Variants in LINGO2 observed in about 807,000 individuals in gnomAD.
LINGO2 encodes leucine rich repeat and Ig domain containing 2, also known as leucine-rich repeat and immunoglobulin-like domain-containing nogo receptor-interacting protein 2.
A neutral mutation model predicts 30.6 loss-of-function variants in LINGO2; 14 were observed. The ratio of observed to expected loss-of-function variants is 0.46; its 90% CI spans 0.30 to 0.72. The LOEUF is 0.72. Ranked by LOEUF, LINGO2 falls within the 30% of genes least tolerant of loss-of-function variation. The probability of loss-of-function intolerance (pLI) is 0.07; values close to 1 mark genes in which losing one functional copy is unlikely to be tolerated. For missense variants in LINGO2, 729 were observed against 751.7 expected, an observed-to-expected ratio of 0.97 and a Z score of 0.35; for synonymous variants, 317 against 288.5, an observed-to-expected ratio of 1.10 and a Z score of -1.00.
chr9:28,956,313 G>C, the LINGO2 span, among the ~76,000 whole-genome samples: 1 of 152,084 alleles, frequency 6.6e-6, no homozygotes, highest in Non-Finnish European at 1.5e-5. Flanking sequence ...AGAGCTACCA[G>C]CACCAGCTGC....
At chr9:28,921,196 C>T in the LINGO2 span, among the ~76,000 whole-genome samples, 136,384 of 152,228 alleles carry the variant, frequency 0.9, 61,380 homozygotes, top group Non-Finnish European at 0.94. Context: ...TTTTATTAAG[C>T]AGTTTCAGAG....
In LINGO2 at chr9:28,147,822, G is replaced by A. The variant is rs1251183621; in HGVS notation, c.-86-135417C>T. Among the ~76,000 whole-genome samples, 2 of 152,098 alleles carry A rather than the reference G, an allele frequency of 1.3e-5. No individual in the cohort carries two copies. The highest frequency in any genetic ancestry group is 2.9e-5 in the Non-Finnish European group (2 of 68,004). On this transcript the variant is annotated intron_variant, in intron 4 of 5. Coordinates refer to ENST00000379992, the Ensembl canonical transcript of LINGO2. The surrounding 1 kb of genome is among the most constrained non-coding windows in gnomAD (Gnocchi z 4.7). The stretch of plus-strand genomic sequence containing the variant: ...GACTCCTCTTGTAGGCACCCTCGCT[G>A]GGCTCCTAAGCACTCCTCCACACCC...
At chr9:28,799,176 A>T in the LINGO2 span, among the ~76,000 whole-genome samples, 1 of 152,092 alleles carries the variant, frequency 6.6e-6, no homozygotes, top group Non-Finnish European at 1.5e-5. Flanking sequence ...AAGAATCATG[A>T]AGGAGTAGTG....
At chr9:29,160,940 T>C in the LINGO2 span, among the ~76,000 whole-genome samples, 1 of 152,314 alleles carries the variant, frequency 6.6e-6, no homozygotes, top group African/African-American at 2.4e-5. Flanking sequence ...CTGCAGAAGG[T>C]ATAAATGCCC....
chr9:28,776,824 C>T, the LINGO2 span, among the ~76,000 whole-genome samples: 10 of 150,816 alleles, frequency 6.6e-5, no homozygotes, highest in African/African-American at 2.4e-4. Flanking sequence ...AGTCACACAG[C>T]TGCCTCTTTT....
the LINGO2 span, among the ~76,000 whole-genome samples, chr9:28,758,451 C>T: frequency 6.6e-6 from 1 of 151,966 alleles, no homozygotes; most frequent in Non-Finnish European, 1.5e-5. Context: ...AAAAAAGTTC[C>T]TCTTACTGGC....
chr9:28,030,016 G>A (rs908280915), intron 4 of LINGO2, among the ~76,000 whole-genome samples: 2 of 152,130 alleles, frequency 1.3e-5, no homozygotes, highest in African/African-American at 4.8e-5. Context: ...GGTGATGTAA[G>A]GCCACCAGAT....
At chr9:28,363,014 C>T (rs1820512998) in intron 3 of LINGO2, among the ~76,000 whole-genome samples, 1 of 152,100 alleles carries the variant, frequency 6.6e-6, no homozygotes, top group African/African-American at 2.4e-5. Context: ...TTCCCCTTCT[C>T]CAGCATAATC....
At chr9:28,855,876 C>G in the LINGO2 span, among the ~76,000 whole-genome samples, 13 of 152,082 alleles carry the variant, frequency 8.5e-5, no homozygotes, top group Non-Finnish European at 1.5e-4. Context: ...TCCCTTCCAT[C>G]CCTGACTATT....
intron 5 of LINGO2, among the ~76,000 whole-genome samples, chr9:27,958,562 T>A (rs1253927274): frequency 6.6e-6 from 1 of 151,942 alleles, no homozygotes; most frequent in Admixed American, 6.6e-5. Flanking sequence ...AGAGAGAGAC[T>A]ACATTCATAT....
chr9:28,760,932 G>GTA, the LINGO2 span, among the ~76,000 whole-genome samples: 1,080 of 115,324 alleles, frequency 9.4e-3, 22 homozygotes, highest in African/African-American at 0.035. Flanking sequence ...GTGTGTGTGT[G>GTA]TATATATATA....
At chr9:28,203,418 C>G (rs1035021508) in intron 4 of LINGO2, among the ~76,000 whole-genome samples, 1 of 152,024 alleles carries the variant, frequency 6.6e-6, no homozygotes, top group Non-Finnish European at 1.5e-5. Flanking sequence ...CTCTTATGAA[C>G]CATTACAAAG....
chr9:28,759,818 A>G, the LINGO2 span, among the ~76,000 whole-genome samples: 4 of 152,160 alleles, frequency 2.6e-5, no homozygotes, highest in South Asian at 8.3e-4. Flanking sequence ...CAGAGTGGAG[A>G]GCAATATAGC....
chr9:28,071,949 T>C (rs1428767237), intron 4 of LINGO2, among the ~76,000 whole-genome samples: 1 of 152,214 alleles, frequency 6.6e-6, no homozygotes, highest in African/African-American at 2.4e-5. Context: ...TTGCATCCTA[T>C]TATACACTAT....
chr9:28,515,996 A>G (rs1351716601), intron 1 of LINGO2, among the ~76,000 whole-genome samples: 1 of 152,194 alleles, frequency 6.6e-6, no homozygotes, highest in African/African-American at 2.4e-5. Flanking sequence ...CATCAACATC[A>G]AGGCAAGATC....
the LINGO2 span, among the ~76,000 whole-genome samples, chr9:28,882,402 T>C: frequency 1.1e-4 from 17 of 152,162 alleles, no homozygotes; most frequent in Admixed American, 1.0e-3. Context: ...ATCAGGATTA[T>C]TGAGAAGTTT....
chr9:29,153,512 T>C, the LINGO2 span, among the ~76,000 whole-genome samples: 1 of 152,208 alleles, frequency 6.6e-6, no homozygotes, highest in African/African-American at 2.4e-5. Flanking sequence ...AAGTTTTTTA[T>C]TATTTGTTTT....
chr9:28,558,037 C>T (rs1396660263), intron 1 of LINGO2, among the ~76,000 whole-genome samples: 1 of 149,560 alleles, frequency 6.7e-6, no homozygotes, highest in African/African-American at 2.5e-5. Flanking sequence ...GGGAGATATA[C>T]CTAATGCTAG....
At chr9:28,212,398 C>G (rs1000896387) in intron 4 of LINGO2, among the ~76,000 whole-genome samples, 1 of 151,408 alleles carries the variant, frequency 6.6e-6, no homozygotes, top group African/African-American at 2.4e-5. Flanking sequence ...TTGACATATT[C>G]TAAAGCCTAG....
Sources: gnomAD v4.1 joint callset for allele counts (sites outside exome capture counted in the v4.1 genomes callset) on GRCh38, gnomAD v4.1.1 for gene constraint, Gnocchi (gnomAD v3.1) non-coding constraint, MANE v1.5 for transcripts, NCBI Gene and HGNC (gene_info 2026-07-23, HGNC 2026-07-21) for gene names.